The following ROBO2 variants were observed in gnomAD, a reference collection of about 807,000 sequenced individuals.
ROBO2 encodes the protein roundabout guidance receptor 2.
In ROBO2, 53 loss-of-function variants were observed where a neutral mutation model predicts 160.8. The observed-to-expected ratio is 0.33, with a 90% confidence interval of 0.26 to 0.41. The LOEUF is 0.41. Among genes scored for constraint, ROBO2 ranks in the 10% least tolerant of loss-of-function variants. The probability of loss-of-function intolerance (pLI) is 1.00; values close to 1 mark genes in which losing one functional copy is unlikely to be tolerated. For synonymous variants in ROBO2, 664 were observed against 611.7 expected, an observed-to-expected ratio of 1.09 and a Z score of -1.26; for missense variants, 1,577 against 1,722.4, an observed-to-expected ratio of 0.92 and a Z score of 1.49.
intron 2 of ROBO2, among the ~76,000 whole-genome samples, chr3:76,449,129 T>C (rs575768185): frequency 1.4e-4 from 22 of 152,304 alleles, no homozygotes; most frequent in African/African-American, 5.3e-4. Context: ...CCAAAACGTA[T>C]GGAAATGTCC....
At chr3:76,141,026 TAC>T (rs544903745) in intron 2 of ROBO2, among the ~76,000 whole-genome samples, 13 of 126,058 alleles carry the variant, frequency 1.0e-4, no homozygotes, top group East Asian at 2.5e-4. Flanking sequence ...TAGAAAATTG[TAC>T]ACACACACAC....
intron 2 of ROBO2, among the ~76,000 whole-genome samples, chr3:76,637,517 C>T (rs1007357435): frequency 1.3e-5 from 2 of 151,636 alleles, no homozygotes; most frequent in South Asian, 2.1e-4. Context: ...GTATATATGG[C>T]GGGGGAGCCA....
Position 77,347,918 on chromosome 3 carries a change from C to T in ROBO2, c.389-129496C>T, listed in dbSNP as rs574740246. Among the ~76,000 whole-genome samples, 20 of 152,172 alleles carry T rather than the reference C, an allele frequency of 1.3e-4. 1 individual carries two copies. The highest frequency in any genetic ancestry group is 4.6e-4 in the African/African-American group (19 of 41,538). ...TATCTTAAAGTACTTTCTAGGTGAT[C>T]TCATCATTTCTCATGGATTTCACTA... On this transcript the variant is annotated intron_variant, in intron 2 of 25. Coordinates refer to ENST00000461745, the Ensembl canonical transcript of ROBO2.
At chr3:77,467,476 A>G (rs1007478897) in intron 2 of ROBO2, among the ~76,000 whole-genome samples, 4 of 152,126 alleles carry the variant, frequency 2.6e-5, no homozygotes, top group Admixed American at 1.3e-4. Context: ...GGCCCATGGG[A>G]CATGAACCAG....
At position 76,932,132 on chromosome 3, in the gene ROBO2, AT is replaced by A. The variant is rs542689711; in HGVS notation, c.110-165881del. ...TTCCAAACATAGACTACCAAAAAAA[AT>A]GGCATATAAAAAATAAGAATTCTAG... On this transcript the variant is annotated intron_variant, in intron 2 of 26. Transcript: ENST00000487694. Among the ~76,000 whole-genome samples, 34 of 152,308 alleles carry A rather than the reference AT, an allele frequency of 2.2e-4. No homozygotes were observed. In the East Asian group the frequency reaches 5.2e-3, roughly 23 times the overall value.
chr3:77,043,258 C>T (rs1325403819), intron 1 of ROBO2, among the ~76,000 whole-genome samples: 2 of 152,134 alleles, frequency 1.3e-5, no homozygotes, highest in African/African-American at 4.8e-5. Context: ...TGTGCTTATA[C>T]TCCACATGAA....
At chr3:77,400,642 G>A (rs2075711331) in intron 2 of ROBO2, among the ~76,000 whole-genome samples, 1 of 152,092 alleles carries the variant, frequency 6.6e-6, no homozygotes, top group African/African-American at 2.4e-5. Flanking sequence ...ACACTTCTTT[G>A]ATTGTTTTTA....
intron 2 of ROBO2, among the ~76,000 whole-genome samples, chr3:76,347,410 G>T (rs1045561145): frequency 3.9e-5 from 6 of 152,096 alleles, no homozygotes; most frequent in African/African-American, 1.4e-4. Context: ...ATGTTAGTGT[G>T]TGTGCATTTT....
intron 2 of ROBO2, among the ~76,000 whole-genome samples, chr3:76,354,787 G>T (rs968357802): frequency 6.6e-6 from 1 of 151,784 alleles, no homozygotes; most frequent in Admixed American, 6.6e-5. Context: ...GGTATAAGTA[G>T]AGGAAAAGAG....
At chr3:76,979,892 T>C (rs576748240) in intron 2 of ROBO2, among the ~76,000 whole-genome samples, 1 of 152,170 alleles carries the variant, frequency 6.6e-6, no homozygotes, top group African/African-American at 2.4e-5. Context: ...CCTGGGAATT[T>C]TATAAAGTTA....
intron 6 of ROBO2, among the ~76,000 whole-genome samples, chr3:77,523,642 T>G (rs1426628322): frequency 2.6e-5 from 4 of 151,296 alleles, no homozygotes; most frequent in Non-Finnish European, 5.9e-5. Context: ...GTTGATCACG[T>G]GAGGGAAATT....
At chr3:77,100,668 G>T (rs932195113) in intron 2 of ROBO2, among the ~76,000 whole-genome samples, 2 of 152,064 alleles carry the variant, frequency 1.3e-5, no homozygotes, top group Non-Finnish European at 2.9e-5. Context: ...TAGCAATGAA[G>T]ACACATTCCA....
At chr3:76,548,642 T>TA (rs1282072946) in intron 2 of ROBO2, among the ~76,000 whole-genome samples, 1 of 151,494 alleles carries the variant, frequency 6.6e-6, no homozygotes, top group African/African-American at 2.4e-5. Context: ...GAGGATTTTT[T>TA]TTTTTTTTAA....
chr3:76,509,685 G>T (rs1018795888), intron 2 of ROBO2, among the ~76,000 whole-genome samples: 7 of 152,118 alleles, frequency 4.6e-5, no homozygotes, highest in Admixed American at 1.3e-4. Flanking sequence ...GAAGCTGTGA[G>T]TGCCTCCTCA....
intron 2 of ROBO2, among the ~76,000 whole-genome samples, chr3:77,112,671 C>T (rs1481530289): frequency 1.3e-5 from 2 of 152,154 alleles, no homozygotes; most frequent in Admixed American, 1.3e-4. Flanking sequence ...AAGAACTATT[C>T]TCCCAAAGAG....
At chr3:77,155,734 C>A (rs2077953155) in intron 2 of ROBO2, among the ~76,000 whole-genome samples, 1 of 152,024 alleles carries the variant, frequency 6.6e-6, no homozygotes, top group Non-Finnish European at 1.5e-5. Flanking sequence ...TTTTGAAAGT[C>A]ACCAGTTATC....
Position 76,160,209 on chromosome 3 carries a change from C to T in ROBO2, c.109+222607C>T, listed in dbSNP as rs540817348. Among the ~76,000 whole-genome samples, 218 of 152,142 alleles carry T rather than the reference C, an allele frequency of 1.4e-3. 1 individual carries two copies. Among genetic ancestry groups the T allele is most frequent in the African/African-American group, 5.0e-3 (206 of 41,514 alleles). On this transcript the variant is annotated intron_variant, in intron 2 of 26. Coordinates refer to the ROBO2 transcript ENST00000487694. ...CTCTTCACTTTGGCTGGGTTACTTT[C>T]GTCTCTCGGTAGCCATTGCTTTTCT...
At chr3:76,168,292 C>A (rs1233165247) in intron 2 of ROBO2, among the ~76,000 whole-genome samples, 1 of 152,140 alleles carries the variant, frequency 6.6e-6, no homozygotes, top group Non-Finnish European at 1.5e-5. Context: ...CTTTTACCTA[C>A]CACATATTGA....
At chr3:76,441,771 A>C (rs2109125456) in intron 2 of ROBO2, among the ~76,000 whole-genome samples, 1 of 152,346 alleles carries the variant, frequency 6.6e-6, no homozygotes, top group South Asian at 2.1e-4. Flanking sequence ...TCATGTTAAT[A>C]ATAAGAGGAA....
Sources: allele counts gnomAD v4.1 joint callset (sites outside exome capture counted in the v4.1 genomes callset), GRCh38; gene constraint gnomAD v4.1.1; transcripts MANE v1.5; gene names NCBI Gene and HGNC (gene_info 2026-07-23, HGNC 2026-07-21).